MYO16: variants seen among roughly 807,000 people sequenced by gnomAD.
The protein encoded by MYO16 is myosin XVI.
MYO16 carries 94 observed loss-of-function variants against 205.3 expected under a neutral mutation model. The ratio of observed to expected loss-of-function variants is 0.46; its 90% CI spans 0.39 to 0.54. The LOEUF is 0.54. MYO16 is among the 20% of genes least tolerant of loss of function. The probability of loss-of-function intolerance (pLI) is 0.00; values close to 1 mark genes in which losing one functional copy is unlikely to be tolerated. For missense variants in MYO16, 2,315 were observed against 2,387.5 expected, an observed-to-expected ratio of 0.97 and a Z score of 0.63; for synonymous variants, 988 against 954.0, an observed-to-expected ratio of 1.04 and a Z score of -0.66.
intron 28 of MYO16, among the ~76,000 whole-genome samples, chr13:109,117,991 T>A (rs1037161095): frequency 6.6e-6 from 1 of 152,202 alleles, no homozygotes; most frequent in Non-Finnish European, 1.5e-5. Flanking sequence ...CCCTCATCTG[T>A]GTCCACATAA....
chr13:108,672,891 C>T (rs7331736), intron 2 of MYO16, among the ~76,000 whole-genome samples: 23,041 of 152,144 alleles, frequency 0.15, 2,004 homozygotes, highest in Non-Finnish European at 0.2. Context: ...AATATTGCTT[C>T]GTACTAATTA....
rs1876207381 is a variant in MYO16, at chr13:109,125,508, A to C, written c.3782+150A>C. On this transcript the variant is annotated intron_variant, in intron 30 of 34. Transcript: ENST00000457511. This position sits in a 1 kb window ranked among gnomAD's most constrained non-coding sequence, Gnocchi z 4.0. ...GTGGTTTGTTATTCGAAATGGCAGCAGTCTAAAAAGATGCTTTCCTGTGCT... is the reference window on the plus strand; with the variant it reads ...GTGGTTTGTTATTCGAAATGGCAGCCGTCTAAAAAGATGCTTTCCTGTGCT... 9.3e-7 allele frequency: 1 copy of C among 1,074,614 alleles called. No individual in the cohort carries two copies. Among genetic ancestry groups the C allele is most frequent in the Admixed American group, 2.7e-5 (1 of 36,652 alleles). 66.6% of individuals were successfully genotyped at this position (1,074,614 alleles called of 1,614,324 possible).
chr13:108,869,724 C>A (rs1418213908), intron 12 of MYO16, among the ~76,000 whole-genome samples: 2 of 100,358 alleles, frequency 2.0e-5, no homozygotes, highest in East Asian at 2.4e-4. Flanking sequence ...GAGCGAGACT[C>A]CGTTTCTAAA....
At chr13:108,913,311 ACGGTAAAGCAAG>A (rs1881348864) in intron 16 of MYO16, among the ~76,000 whole-genome samples, 4 of 152,202 alleles carry the variant, frequency 2.6e-5, no homozygotes. Flanking sequence ...GAAAACTTTA[ACGGTAAAGCAAG>A]CTGTTTTTCA....
chr13:108,952,111 CAATAAATA>C (rs142142365), intron 16 of MYO16, among the ~76,000 whole-genome samples: 27,208 of 138,370 alleles, frequency 0.2, 2,687 homozygotes, highest in Admixed American at 0.22. Context: ...GACTCCATCT[CAATAAATA>C]AATAAATAAA....
chr13:109,032,917 G>C (rs1191725972), intron 23 of MYO16, among the ~76,000 whole-genome samples: 1 of 152,134 alleles, frequency 6.6e-6, no homozygotes, highest in Non-Finnish European at 1.5e-5. Context: ...GGTAGCCTGT[G>C]CAAGCTTCAG....
At chr13:108,658,774 G>A (rs1184788807) in intron 1 of MYO16, among the ~76,000 whole-genome samples, 2 of 152,024 alleles carry the variant, frequency 1.3e-5, no homozygotes, top group Non-Finnish European at 2.9e-5. Context: ...TGGTTCCTCA[G>A]AATTTATTGA....
At chr13:108,557,282 T>C in the MYO16 span, among the ~76,000 whole-genome samples, 3 of 152,182 alleles carry the variant, frequency 2.0e-5, no homozygotes, top group Non-Finnish European at 4.4e-5. Context: ...TTTTTATTTA[T>C]TTGTGTCTTT....
intron 16 of MYO16, among the ~76,000 whole-genome samples, chr13:108,933,213 A>G (rs1882336407): frequency 6.6e-6 from 1 of 152,204 alleles, no homozygotes; most frequent in African/African-American, 2.4e-5. Flanking sequence ...GGAGGACAGA[A>G]GACTTCTGGG....
At chr13:108,673,311 T>C (rs1442988881) in intron 2 of MYO16, among the ~76,000 whole-genome samples, 2 of 151,886 alleles carry the variant, frequency 1.3e-5, no homozygotes, top group Non-Finnish European at 2.9e-5. Context: ...GTATTCTTTA[T>C]GCTTTGGGGT....
the MYO16 span, among the ~76,000 whole-genome samples, chr13:108,525,244 A>G: frequency 6.6e-6 from 1 of 152,196 alleles, no homozygotes; most frequent in Admixed American, 6.5e-5. Flanking sequence ...TGCCTCAAAA[A>G]TAATTTTGTT....
At position 108,649,484 on chromosome 13, in the gene MYO16, C is replaced by G. The variant is rs1369219696; in HGVS notation, c.29-16402C>G. Among the ~76,000 whole-genome samples, 4 of 152,076 alleles carry G rather than the reference C, an allele frequency of 2.6e-5. No homozygotes were observed. In the South Asian group the frequency reaches 8.3e-4, roughly 32 times the overall value. On this transcript the variant is annotated intron_variant, in intron 1 of 34. Transcript: ENST00000457511. ...CTCCCAGAAAAAATAATGGAACACT[C>G]TAGATGGTTAATGAAAATGGCAGAA...
At chr13:108,799,922 G>T (rs1886917659) in intron 6 of MYO16, among the ~76,000 whole-genome samples, 1 of 152,164 alleles carries the variant, frequency 6.6e-6, no homozygotes, top group African/African-American at 2.4e-5. Context: ...TAAGAGCAAG[G>T]TTTTTAACTG....
the MYO16 span, among the ~76,000 whole-genome samples, chr13:108,508,346 G>A: frequency 3.7e-4 from 56 of 152,156 alleles, no homozygotes; most frequent in East Asian, 7.0e-3. Context: ...AGGTTCTGGA[G>A]GCCTCTCAAA....
intron 11 of MYO16, among the ~76,000 whole-genome samples, chr13:108,858,423 C>T (rs1483782501): frequency 2.6e-5 from 4 of 152,182 alleles, no homozygotes; most frequent in Non-Finnish European, 5.9e-5. Context: ...CCAACCTGCA[C>T]GTCTCATGGC....
chr13:108,584,343 G>C, the MYO16 span, among the ~76,000 whole-genome samples: 1 of 152,122 alleles, frequency 6.6e-6, no homozygotes, highest in Non-Finnish European at 1.5e-5. Flanking sequence ...TTGAAATCAA[G>C]TATTTTTTAT....
chr13:109,066,754 A>C (rs1442333247), intron 27 of MYO16, among the ~76,000 whole-genome samples: 3 of 152,148 alleles, frequency 2.0e-5, no homozygotes, highest in Non-Finnish European at 4.4e-5. Context: ...ATTTAAACTA[A>C]TGGGTCAAGT....
intron 1 of MYO16, among the ~76,000 whole-genome samples, chr13:108,618,710 G>A (rs1879434982): frequency 6.6e-6 from 1 of 152,190 alleles, no homozygotes. Flanking sequence ...TGTTGAATGA[G>A]TGAATGTAGA....
intron 4 of MYO16, among the ~76,000 whole-genome samples, chr13:108,741,807 G>A (rs979451334): frequency 8.5e-5 from 13 of 152,094 alleles, no homozygotes; most frequent in African/African-American, 2.9e-4. Context: ...TATACTTTAG[G>A]AATTGGAGTG....
Sources: allele counts gnomAD v4.1 joint callset (sites outside exome capture counted in the v4.1 genomes callset), GRCh38; gene constraint gnomAD v4.1.1; non-coding constraint Gnocchi (gnomAD v3.1); transcripts MANE v1.5; gene names NCBI Gene and HGNC (gene_info 2026-07-23, HGNC 2026-07-21).